Variants in SLC9C2 observed in about 807,000 individuals in gnomAD.
SLC9C2 encodes the protein sodium/hydrogen exchanger 11.
In SLC9C2, 75 loss-of-function variants were observed where a neutral mutation model predicts 140.2. The observed-to-expected ratio is 0.53, with a 90% CI of 0.44 to 0.65. SLC9C2 has a LOEUF of 0.65. Among genes scored for constraint, SLC9C2 ranks in the 30% least tolerant of loss-of-function variants. SLC9C2 has a pLI of 0.00. For missense variants in SLC9C2, 1,074 were observed against 1,331.8 expected, an observed-to-expected ratio of 0.81 and a Z score of 3.01; for synonymous variants, 375 against 420.9, an observed-to-expected ratio of 0.89 and a Z score of 1.34.
intron 14 of SLC9C2, among the ~76,000 whole-genome samples, chr1:173,536,399 T>C (rs1661962586): frequency 6.6e-6 from 1 of 152,216 alleles, no homozygotes; most frequent in East Asian, 1.9e-4. Context: ...TTAGATCATC[T>C]ATTATCTAAT....
intron 24 of SLC9C2, 41 bp downstream of exon 24, chr1:173,509,527 A>G (rs1163371339): frequency 6.2e-6 from 9 of 1,452,166 alleles, no homozygotes; most frequent in East Asian, 5.3e-5. Flanking sequence ...AATACAATGC[A>G]TAAAAATTCA....
At chr1:173,602,303 C>T (rs1666834801) in intron 1 of SLC9C2, among the ~76,000 whole-genome samples, 1 of 152,128 alleles carries the variant, frequency 6.6e-6, no homozygotes, top group Non-Finnish European at 1.5e-5. Context: ...TGGTATAAAT[C>T]ATTCTGGAAT....
At chr1:173,509,429 A>G in intron 24 of SLC9C2, 139 bp downstream of exon 24, 1 of 686,582 alleles carries the variant, frequency 1.5e-6, no homozygotes, top group South Asian at 2.0e-5. Flanking sequence ...TGGGCAACAG[A>G]GTGAGCCTCT....
intron 4 of SLC9C2, among the ~76,000 whole-genome samples, chr1:173,595,634 AT>A (rs1666410232): frequency 6.6e-6 from 1 of 152,220 alleles, no homozygotes; most frequent in African/African-American, 2.4e-5. Flanking sequence ...AAAATAGAAC[AT>A]AAAATTTTTA....
intron 1 of SLC9C2, 76 bp downstream of exon 1, chr1:173,602,675 A>G: frequency 6.6e-6 from 1 of 152,054 alleles, no homozygotes; most frequent in East Asian, 1.9e-4. Context: ...GTTCTGTTTT[A>G]TTTTTCCTTG....
At chr1:173,593,618 T>C (rs1347450340) in intron 4 of SLC9C2, among the ~76,000 whole-genome samples, 2 of 152,144 alleles carry the variant, frequency 1.3e-5, no homozygotes, top group Non-Finnish European at 2.9e-5. Flanking sequence ...TGGTATGATG[T>C]CTTCAAGAAA....
intron 25 of SLC9C2, among the ~76,000 whole-genome samples, chr1:173,506,195 T>A (rs557303835): frequency 6.6e-6 from 1 of 152,374 alleles, no homozygotes; most frequent in Non-Finnish European, 1.5e-5. Context: ...CAGCCTGAAC[T>A]GGGAGAAAAG....
chr1:173,541,244 C>G (rs12028209), intron 13 of SLC9C2, among the ~76,000 whole-genome samples: 7 of 151,270 alleles, frequency 4.6e-5, no homozygotes, highest in East Asian at 3.9e-4. Flanking sequence ...AACCAACAAA[C>G]ATCAAAAGAG....
intron 13 of SLC9C2, among the ~76,000 whole-genome samples, chr1:173,544,681 T>A (rs6425243): frequency 0.36 from 54,722 of 152,010 alleles, 12,453 homozygotes; most frequent in East Asian, 0.64. Flanking sequence ...ACAGCCATAA[T>A]AAATGATGAG....
chr1:173,506,052 C>T (rs1659617393), intron 25 of SLC9C2, among the ~76,000 whole-genome samples: 1 of 152,118 alleles, frequency 6.6e-6, no homozygotes, highest in South Asian at 2.1e-4. Flanking sequence ...TTTTAATTTT[C>T]TATTAAAAAC....
rs1659898007 is a variant in SLC9C2 at position 173,509,602 on chromosome 1, G to A, written c.3005C>T (p.Ala1002Val). Reference sequence around the variant, plus strand: ...AAGACTTGATTCAAAATACTGATAGGCAGTACTGAGAGCAAGCTTTAGCCA... The same window carrying A: ...AAGACTTGATTCAAAATACTGATAGACAGTACTGAGAGCAAGCTTTAGCCA... ...KIWLKLALST[A>V]YQYFESSLID... Residue 1002 changes from alanine to valine, a missense_variant, in exon 24 of 28, where the codon GCC (alanine) becomes GTC (valine). Ala to Val is a moderately conservative substitution (Grantham distance 64). Coordinates refer to ENST00000367714, the MANE Select transcript of SLC9C2 (RefSeq NM_178527.4). 6.3e-7 allele frequency: 1 copy of A among 1,589,868 alleles called. No individual in the cohort carries two copies. Among genetic ancestry groups the A allele is most frequent in the African/African-American group, 1.4e-5 (1 of 73,138 alleles).
intron 4 of SLC9C2, among the ~76,000 whole-genome samples, chr1:173,590,734 G>A (rs1045654515): frequency 1.3e-5 from 2 of 152,038 alleles, no homozygotes; most frequent in Non-Finnish European, 2.9e-5. Context: ...AGTGACTAAC[G>A]GGCAGGAGAT....
chr1:173,540,724 C>T (rs545771238), intron 13 of SLC9C2, among the ~76,000 whole-genome samples: 1 of 152,248 alleles, frequency 6.6e-6, no homozygotes, highest in East Asian at 1.9e-4. Context: ...TTTTTGTTAG[C>T]TTCATATGAT....
At chr1:173,591,833 A>G (rs1666184336) in intron 4 of SLC9C2, among the ~76,000 whole-genome samples, 1 of 152,072 alleles carries the variant, frequency 6.6e-6, no homozygotes, top group Non-Finnish European at 1.5e-5. Context: ...TCCTCTGTTG[A>G]TAATTTCTTT....
At chr1:173,514,178 C>T (rs1279508655) in intron 23 of SLC9C2, among the ~76,000 whole-genome samples, 1 of 152,198 alleles carries the variant, frequency 6.6e-6, no homozygotes, top group Non-Finnish European at 1.5e-5. Context: ...ATTAGTTCCA[C>T]TTGATCCAGA....
chr1:173,594,506 G>A (rs1320554850), intron 4 of SLC9C2, among the ~76,000 whole-genome samples: 1 of 152,174 alleles, frequency 6.6e-6, no homozygotes. Context: ...GCTGAATCCA[G>A]AAAGATGGAG....
In SLC9C2 at chr1:173,509,759, CA is replaced by C. The variant is rs1045991124; in HGVS notation, c.2908-61del. 1.4e-4 allele frequency: 221 copies of C among 1,526,006 alleles called. 2 individuals carry two copies. In the South Asian group the frequency reaches 1.5e-3, roughly 10 times the overall value. 94.5% of individuals were successfully genotyped at this position (1,526,006 alleles called of 1,614,324 possible). A position where few individuals can be genotyped will look rare whatever the true frequency, so the allele number is the denominator to read the frequency against. On this transcript the variant is annotated intron_variant, in intron 23 of 27. Transcript: ENST00000367714. ...ATGTGGAACTAAATTACAAGACCAT[CA>C]AAAAACAAGATGCCTGCAGATTTAA... is the stretch of plus-strand genomic sequence containing the variant.
At chr1:173,507,586 G>A (rs1455669009) in intron 24 of SLC9C2, among the ~76,000 whole-genome samples, 1 of 152,130 alleles carries the variant, frequency 6.6e-6, no homozygotes, top group Non-Finnish European at 1.5e-5. Flanking sequence ...CCTGGAATGT[G>A]ACCTTATTGA....
chr1:173,591,236 T>C (rs1306245879), intron 4 of SLC9C2, among the ~76,000 whole-genome samples: 1 of 152,230 alleles, frequency 6.6e-6, no homozygotes, highest in African/African-American at 2.4e-5. Context: ...CTGCACAGTA[T>C]TCCATGGCAA....
Sources: allele counts gnomAD v4.1 joint callset (sites outside exome capture counted in the v4.1 genomes callset), GRCh38; gene constraint gnomAD v4.1.1; transcripts MANE v1.5; gene names NCBI Gene and HGNC (gene_info 2026-07-23, HGNC 2026-07-21).